The following ARFGEF2 variants were observed in gnomAD, a reference collection of about 807,000 sequenced individuals.
ARFGEF2 encodes the protein brefeldin A-inhibited guanine nucleotide-exchange protein 2.
ARFGEF2 carries 74 observed loss-of-function variants against 219.9 expected under a neutral mutation model. The ratio of observed to expected loss-of-function variants is 0.34; its 90% CI spans 0.28 to 0.41. ARFGEF2 has a LOEUF of 0.41. Ranked by LOEUF, ARFGEF2 falls within the 10% of genes least tolerant of loss-of-function variation. The pLI, the probability that ARFGEF2 is intolerant of heterozygous loss-of-function variation, is 1.00. For missense variants in ARFGEF2, 1,743 were observed against 2,218.3 expected (o/e 0.79, Z 4.30); for synonymous variants, 733 against 799.2 (o/e 0.92, Z 1.40).
chr20:48,965,777 T>G (rs1031166878), intron 7 of ARFGEF2, 95 bp from the exon 8 acceptor site: 1 of 1,462,852 alleles, frequency 6.8e-7, no homozygotes, highest in African/African-American at 1.4e-5. Flanking sequence ...AAGCAACAGC[T>G]GGGAGGTTCA....
chr20:48,979,145 T>C (rs1416178868), intron 14 of ARFGEF2, among the ~76,000 whole-genome samples: 1 of 152,230 alleles, frequency 6.6e-6, no homozygotes, highest in East Asian at 1.9e-4. Context: ...TTGAGATATG[T>C]TCCGTCAGTA....
At chr20:48,962,452 T>C (rs2091159481) in intron 6 of ARFGEF2, among the ~76,000 whole-genome samples, 1 of 151,070 alleles carries the variant, frequency 6.6e-6, no homozygotes, top group Non-Finnish European at 1.5e-5. Flanking sequence ...TGACCAAACG[T>C]TGTTATGTGG....
intron 25 of ARFGEF2, among the ~76,000 whole-genome samples, chr20:48,998,907 C>T (rs1269187329): frequency 6.6e-6 from 1 of 152,148 alleles, no homozygotes; most frequent in Non-Finnish European, 1.5e-5. Flanking sequence ...TATTCCGGCA[C>T]CTATTGCCAC....
intron 34 of ARFGEF2, among the ~76,000 whole-genome samples, chr20:49,020,827 C>T (rs1239098458): frequency 6.6e-6 from 1 of 151,992 alleles, no homozygotes; most frequent in Non-Finnish European, 1.5e-5. Flanking sequence ...AGGAGAAGCA[C>T]TCTCCGTGCA....
chr20:49,002,557 A>G (rs2091431436), intron 25 of ARFGEF2, among the ~76,000 whole-genome samples: 1 of 152,170 alleles, frequency 6.6e-6, no homozygotes, highest in Non-Finnish European at 1.5e-5. Flanking sequence ...TTCAAGGTTC[A>G]TCTGTGTTGT....
intron 1 of ARFGEF2, among the ~76,000 whole-genome samples, chr20:48,926,978 G>A (rs912490022): frequency 1.6e-4 from 24 of 152,290 alleles, no homozygotes; most frequent in African/African-American, 5.8e-4. Context: ...ACCTTAGCTT[G>A]AGCTTTTTTG....
chr20:49,024,376 C>T (rs896813930), intron 35 of ARFGEF2, among the ~76,000 whole-genome samples: 1 of 152,134 alleles, frequency 6.6e-6, no homozygotes, highest in Non-Finnish European at 1.5e-5. Flanking sequence ...GCTAGCAGAT[C>T]CTGTGAGAGT....
intron 16 of ARFGEF2, 101 bp downstream of exon 16, chr20:48,985,714 G>C: frequency 7.9e-7 from 1 of 1,270,030 alleles, no homozygotes; most frequent in South Asian, 1.3e-5. Flanking sequence ...TCTGTGCCAA[G>C]CAACTGAAGC....
chr20:48,922,067 C>G (rs1282439630), intron 1 of ARFGEF2, 57 bp downstream of exon 1: 11 of 1,539,132 alleles, frequency 7.1e-6, no homozygotes, highest in Non-Finnish European at 9.6e-6. Flanking sequence ...GGCCGTTGCC[C>G]TATCCTACTC....
In ARFGEF2 at chr20:49,007,032, A is replaced by C. The variant is rs1756899768; in HGVS notation, c.3584+1811A>C. Among the ~76,000 whole-genome samples the C allele has an allele frequency of 2.6e-5, 4 of 152,068 alleles. No homozygotes were observed. In the South Asian group the frequency reaches 8.3e-4, roughly 31 times the overall value. ...GTGAAATGATCTGACATTTTAAAGG[A>C]TCACCCTGCATTTATCCATGGAAAA... On this transcript the variant is annotated intron_variant, in intron 26 of 38. Transcript: ENST00000371917.
rs569598445 is a variant in ARFGEF2 at position 48,982,765 on chromosome 20, A to C, written c.1959-1964A>C. 1.6e-4 allele frequency among the ~76,000 whole-genome samples: 24 copies of C among 152,326 alleles called. No individual in the cohort carries two copies. In the South Asian group the frequency reaches 3.5e-3, roughly 22 times the overall value. On this transcript the variant is annotated intron_variant, in intron 14 of 38. Coordinates refer to ENST00000371917, the MANE Select transcript of ARFGEF2 (RefSeq NM_006420.3). Reference sequence around the variant, plus strand: ...GTCAATCTCAGACTGCTGAGCCAGCAGTGAGCAAGGCTCCGTGGGCGTGGG... The same window carrying C: ...GTCAATCTCAGACTGCTGAGCCAGCCGTGAGCAAGGCTCCGTGGGCGTGGG...
intron 7 of ARFGEF2, among the ~76,000 whole-genome samples, chr20:48,964,298 G>A (rs1205134318): frequency 6.6e-6 from 1 of 152,154 alleles, no homozygotes; most frequent in Non-Finnish European, 1.5e-5. Flanking sequence ...CCAGCTATTC[G>A]GGAGGCTGAG....
At chr20:48,990,321 T>C (rs567769189) in intron 20 of ARFGEF2, among the ~76,000 whole-genome samples, 2 of 152,348 alleles carry the variant, frequency 1.3e-5, no homozygotes, top group East Asian at 1.9e-4. Flanking sequence ...GTTTTTATTA[T>C]AATTTCGCAT....
Position 49,025,388 on chromosome 20 carries a change from C to G in ARFGEF2, c.4831C>G (p.Leu1611Val). 4 of 1,614,122 alleles carry G rather than the reference C, an allele frequency of 2.5e-6. No homozygotes were observed. The highest frequency in any genetic ancestry group is 8.5e-7 in the Non-Finnish European group (1 of 1,179,992). ...GMYKYMSSQH[L>V]FKLLDCLQES... is the part of the protein sequence containing the mutation. ...GTATAAGTACATGTCTTCCCAGCAC[C>G]TCTTCAAGCTGTTGGACTGTTTGCA... The change falls in exon 36 of 39, where the codon CTC (leucine) becomes GTC (valine). Residue 1611 changes from leucine to valine, a missense_variant. Leu to Val is a conservative substitution (Grantham distance 32). Around this residue, in one of 5 missense-constraint regions of ARFGEF2, gnomAD observed 578 missense variants for 664.0 expected, o/e 0.87. Transcript: ENST00000371917.
chr20:49,001,539 G>T (rs1275562463), intron 25 of ARFGEF2, among the ~76,000 whole-genome samples: 1 of 152,140 alleles, frequency 6.6e-6, no homozygotes, highest in Non-Finnish European at 1.5e-5. Context: ...CCTGTGTCCT[G>T]GATGAGCAAA....
intron 7 of ARFGEF2, 70 bp from the exon 8 acceptor site, chr20:48,965,802 T>C: frequency 6.3e-7 from 1 of 1,584,994 alleles, no homozygotes; most frequent in Non-Finnish European, 8.7e-7. Flanking sequence ...TAACTTCTTT[T>C]TGGTGTCAGG....
At chr20:48,947,999 A>G (rs2091039088) in intron 3 of ARFGEF2, among the ~76,000 whole-genome samples, 1 of 152,240 alleles carries the variant, frequency 6.6e-6, no homozygotes, top group African/African-American at 2.4e-5. Context: ...CCATTAATCT[A>G]AGCTGCCCTG....
chr20:49,003,160 G>T (rs540036236), intron 25 of ARFGEF2, among the ~76,000 whole-genome samples: 124 of 146,984 alleles, frequency 8.4e-4, no homozygotes, highest in African/African-American at 2.9e-3. Context: ...TAGAGACAGG[G>T]TTTCACCATG....
chr20:49,032,920 C>A (rs774169950), intron 38 of ARFGEF2, 103 bp from the exon 39 acceptor site: 170 of 1,141,830 alleles, frequency 1.5e-4, no homozygotes, highest in Non-Finnish European at 2.1e-4. Flanking sequence ...AGAAAAGCAC[C>A]AATATTGTAA....
Sources: allele counts gnomAD v4.1 joint callset (sites outside exome capture counted in the v4.1 genomes callset), GRCh38; gene constraint gnomAD v4.1.1; regional missense constraint gnomAD v4.1.1; transcripts MANE v1.5; gene names NCBI Gene and HGNC (gene_info 2026-07-23, HGNC 2026-07-21).